LHFPL2: variants seen among roughly 807,000 people sequenced by gnomAD.
LHFPL2 encodes LHFPL tetraspan subfamily member 2.
A neutral mutation model predicts 17.5 loss-of-function variants in LHFPL2; 7 were observed. That is an observed-to-expected ratio of 0.40 (90% confidence interval 0.23 to 0.75). The LOEUF is 0.75. Among genes scored for constraint, LHFPL2 ranks in the 30% least tolerant of loss-of-function variants. The probability of loss-of-function intolerance (pLI) is 0.37; values close to 1 mark genes in which losing one functional copy is unlikely to be tolerated. For synonymous variants in LHFPL2, 134 were observed against 116.2 expected, an observed-to-expected ratio of 1.15 and a Z score of -0.99; for missense variants, 241 against 294.8, an observed-to-expected ratio of 0.82 and a Z score of 1.34.
At chr5:78,637,584 C>T (rs1185802191) in intron 1 of LHFPL2, among the ~76,000 whole-genome samples, 1 of 152,222 alleles carries the variant, frequency 6.6e-6, no homozygotes, top group Non-Finnish European at 1.5e-5. Context: ...TAGCAGGTGA[C>T]CAACTTCAAG....
chr5:78,613,782 A>T (rs2112489480), intron 2 of LHFPL2, among the ~76,000 whole-genome samples: 1 of 152,294 alleles, frequency 6.6e-6, no homozygotes, highest in East Asian at 1.9e-4. Flanking sequence ...GCAGTCCAAA[A>T]TCCAGCTCTA....
At chr5:78,584,067 G>T (rs1333021458) in intron 2 of LHFPL2, among the ~76,000 whole-genome samples, 1 of 151,572 alleles carries the variant, frequency 6.6e-6, no homozygotes, top group Non-Finnish European at 1.5e-5. Flanking sequence ...TCTTCCAGTT[G>T]ATCGCATCGG....
At chr5:78,517,965 C>T (rs1755339575) in intron 3 of LHFPL2, among the ~76,000 whole-genome samples, 1 of 152,224 alleles carries the variant, frequency 6.6e-6, no homozygotes, top group African/African-American at 2.4e-5. Flanking sequence ...CTTTGTGTGT[C>T]TGTCCGACAG....
intron 4 of LHFPL2, among the ~76,000 whole-genome samples, chr5:78,491,729 G>A (rs1754451647): frequency 6.6e-6 from 1 of 152,004 alleles, no homozygotes; most frequent in Non-Finnish European, 1.5e-5. Context: ...TCACTCATAG[G>A]TGGCTGTGAA....
chr5:78,512,742 C>A (rs1284883136), intron 3 of LHFPL2, among the ~76,000 whole-genome samples: 2 of 149,924 alleles, frequency 1.3e-5, no homozygotes, highest in Non-Finnish European at 3.0e-5. Flanking sequence ...CATCCCTTTT[C>A]TCTGTTAAAT....
intron 4 of LHFPL2, among the ~76,000 whole-genome samples, chr5:78,505,586 T>G (rs1580753430): frequency 6.6e-6 from 1 of 152,318 alleles, no homozygotes; most frequent in East Asian, 1.9e-4. Context: ...CTGTGCACCC[T>G]GAGCTCCAAC....
chr5:78,565,977 A>AG (rs1331795691), intron 2 of LHFPL2, among the ~76,000 whole-genome samples: 1 of 152,238 alleles, frequency 6.6e-6, no homozygotes, highest in African/African-American at 2.4e-5. Flanking sequence ...TATGTTATTT[A>AG]GGACTATAAG....
Position 78,510,028 on chromosome 5 carries a change from G to A in LHFPL2, c.186C>T (p.Gly62=), listed in dbSNP as rs1371504406. ...GGTTCCGGATGCAGCGGGCGTAGAT[G>A]CCCAGGGTGGGGTGGTAGGGCTCCG... ...GSPEPYHPTL[G]IYARCIRNPG... is the part of the protein sequence containing the mutation. The change falls in exon 4 of 5, where the codon GGC becomes GGT. Residue 62 remains glycine (G), a synonymous_variant. Transcript: ENST00000380345. 3.1e-6 allele frequency: 5 copies of A among 1,611,790 alleles called. No individual in the cohort carries two copies. Among genetic ancestry groups the A allele is most frequent in the Admixed American group, 1.7e-5 (1 of 59,728 alleles).
intron 1 of LHFPL2, among the ~76,000 whole-genome samples, chr5:78,633,681 C>T (rs772163015): frequency 1.3e-5 from 2 of 152,174 alleles, no homozygotes; most frequent in Non-Finnish European, 2.9e-5. Context: ...CTGGTTTTTA[C>T]GCATGGCACC....
intron 3 of LHFPL2, among the ~76,000 whole-genome samples, chr5:78,529,852 T>C (rs1210875405): frequency 4.6e-5 from 7 of 152,226 alleles, no homozygotes; most frequent in Non-Finnish European, 1.0e-4. Flanking sequence ...AAAATGTTTT[T>C]TAATATCTTT....
chr5:78,599,934 C>A (rs1257850926), intron 2 of LHFPL2, among the ~76,000 whole-genome samples: 1 of 152,016 alleles, frequency 6.6e-6, no homozygotes, highest in East Asian at 1.9e-4. Context: ...GATTCAGAGT[C>A]AAATCTCTGA....
chr5:78,539,311 C>G (rs1399047022), intron 3 of LHFPL2, among the ~76,000 whole-genome samples: 1 of 152,214 alleles, frequency 6.6e-6, no homozygotes, highest in Non-Finnish European at 1.5e-5. Flanking sequence ...AAATAAATGT[C>G]TGTTCTTTAA....
At chr5:78,494,340 G>A in intron 4 of LHFPL2, 2 of 984,614 alleles carry the variant, frequency 2.0e-6, no homozygotes, top group Non-Finnish European at 2.4e-6. Context: ...AGAAGCCATA[G>A]GTCACCTGGA....
intron 2 of LHFPL2, among the ~76,000 whole-genome samples, chr5:78,580,704 T>G (rs1280565750): frequency 1.3e-5 from 2 of 152,250 alleles, no homozygotes; most frequent in East Asian, 3.9e-4. Flanking sequence ...CATCGGTCTA[T>G]TATCTCTGTT....
chr5:78,607,101 T>A (rs193285347), intron 2 of LHFPL2, among the ~76,000 whole-genome samples: 3 of 152,174 alleles, frequency 2.0e-5, no homozygotes, highest in Admixed American at 6.5e-5. Context: ...CATCCCAAGA[T>A]GTAGTGTATC....
At chr5:78,525,776 C>T (rs76027511) in intron 3 of LHFPL2, among the ~76,000 whole-genome samples, 2,486 of 152,248 alleles carry the variant, frequency 0.016, 73 homozygotes, top group African/African-American at 0.055. Context: ...AAACATGCTG[C>T]GTTTGGGAAT....
At chr5:78,500,149 A>T (rs1166616401) in intron 4 of LHFPL2, among the ~76,000 whole-genome samples, 1 of 152,166 alleles carries the variant, frequency 6.6e-6, no homozygotes, top group East Asian at 1.9e-4. Flanking sequence ...AATCACCCAT[A>T]AAAAAACACA....
intron 3 of LHFPL2, among the ~76,000 whole-genome samples, chr5:78,519,618 G>A (rs552647483): frequency 1.2e-4 from 18 of 152,330 alleles, no homozygotes; most frequent in Admixed American, 5.2e-4. Context: ...TCCTGTGTCC[G>A]TAAAATGGAG....
chr5:78,570,623 G>GTA (rs938670300), intron 2 of LHFPL2, among the ~76,000 whole-genome samples: 23 of 145,686 alleles, frequency 1.6e-4, no homozygotes, highest in Non-Finnish European at 2.5e-4. Flanking sequence ...ATATATATAC[G>GTA]TATATATATA....
Sources: allele counts gnomAD v4.1 joint callset (sites outside exome capture counted in the v4.1 genomes callset), GRCh38; gene constraint gnomAD v4.1.1; transcripts MANE v1.5; gene names NCBI Gene and HGNC (gene_info 2026-07-23, HGNC 2026-07-21).